CASK: variants seen among roughly 807,000 people sequenced by gnomAD.
CASK encodes the protein calcium/calmodulin dependent serine protein kinase.
Under a neutral mutation model 82.9 loss-of-function variants are expected in CASK, and 4 were observed. That is an observed-to-expected ratio of 0.05 (90% CI 0.02 to 0.11). CASK has a LOEUF of 0.11. Among genes scored for constraint, CASK ranks in the 10% least tolerant of loss-of-function variants. The pLI is 1.00. For missense variants in CASK, 358 were observed against 720.9 expected, an observed-to-expected ratio of 0.50 and a Z score of 5.76; for synonymous variants, 259 against 253.5, an observed-to-expected ratio of 1.02 and a Z score of -0.20.
intron 1 of CASK, among the ~76,000 whole-genome samples, chrX:41,909,503 A>G (rs923568423): frequency 2.7e-5 from 3 of 112,410 alleles, no homozygotes; most frequent in Non-Finnish European, 5.6e-5. Context: ...TAAGGAGTTG[A>G]GAAGTATTAA....
intron 8 of CASK, among the ~76,000 whole-genome samples, chrX:41,639,033 C>T (rs572915566): frequency 2.8e-5 from 3 of 109,085 alleles, no homozygotes; most frequent in Admixed American, 2.0e-4. Context: ...ATATCCAAGC[C>T]AGAGCAATTA....
chrX:41,643,178 T>C (rs1257897063), intron 8 of CASK, among the ~76,000 whole-genome samples: 2 of 111,875 alleles, frequency 1.8e-5, no homozygotes, highest in Non-Finnish European at 3.8e-5. Flanking sequence ...TGTAGCCTTG[T>C]AGTATAGTTT....
At chrX:41,865,555 TG>T (rs1276654188) in intron 1 of CASK, among the ~76,000 whole-genome samples, 2 of 111,841 alleles carry the variant, frequency 1.8e-5, no homozygotes, top group Non-Finnish European at 3.8e-5. Flanking sequence ...TGGCATCAGT[TG>T]ATGTCTTTTT....
chrX:41,805,928 C>T (rs1268750230), intron 2 of CASK, among the ~76,000 whole-genome samples: 1 of 111,555 alleles, frequency 9.0e-6, no homozygotes, highest in African/African-American at 3.3e-5. Flanking sequence ...TATACCCACT[C>T]CCGTGACAAA....
At chrX:41,642,747 C>T (rs765582475) in intron 8 of CASK, among the ~76,000 whole-genome samples, 139 of 111,981 alleles carry the variant, frequency 1.2e-3, no homozygotes, top group African/African-American at 4.2e-3. Context: ...AGCTCTTTAG[C>T]TTAATTAGAT....
chrX:41,549,352 T>C (rs2065064534), intron 21 of CASK, among the ~76,000 whole-genome samples: 1 of 111,951 alleles, frequency 8.9e-6, no homozygotes. Context: ...CAAAGTCCTA[T>C]TCAGGTCTTG....
rs74892710 is a variant in CASK at position 41,704,664 on chromosome X, T to G, written c.430-33134A>C. On this transcript the variant is annotated intron_variant, in intron 5 of 26. Transcript: ENST00000378163. ...ATACGGATTATTATGGTCCCATCAT[T>G]AAGGCCATGGCAAGAATTATGGTAA... is the stretch of plus-strand genomic sequence containing the variant. 9.2e-3 allele frequency among the ~76,000 whole-genome samples: 1,031 copies of G among 112,110 alleles called. 22 individuals carry two copies. In the East Asian group the frequency reaches 0.097, roughly 11 times the overall value.
At chrX:41,692,704 G>C (rs1218004043) in intron 5 of CASK, among the ~76,000 whole-genome samples, 1 of 112,065 alleles carries the variant, frequency 8.9e-6, no homozygotes, top group Non-Finnish European at 1.9e-5. Flanking sequence ...CCTTTTCTAA[G>C]TGTGCTGCTG....
At chrX:41,679,545 A>T (rs2067318227) in intron 5 of CASK, among the ~76,000 whole-genome samples, 1 of 112,025 alleles carries the variant, frequency 8.9e-6, no homozygotes, top group Non-Finnish European at 1.9e-5. Context: ...TAGTTTTTGG[A>T]TATTATGAAT....
intron 3 of CASK, among the ~76,000 whole-genome samples, chrX:41,761,986 C>T (rs1309734302): frequency 8.9e-6 from 1 of 112,194 alleles, no homozygotes; most frequent in Admixed American, 9.5e-5. Context: ...CAAAGATTTA[C>T]TGGGCATTTA....
chrX:41,861,749 A>G (rs1464598079), intron 1 of CASK, among the ~76,000 whole-genome samples: 1 of 103,495 alleles, frequency 9.7e-6, no homozygotes, highest in Non-Finnish European at 1.9e-5. Context: ...TATATATATT[A>G]CATGTATATA....
intron 2 of CASK, among the ~76,000 whole-genome samples, chrX:41,811,236 T>C (rs1236956069): frequency 1.8e-5 from 2 of 111,996 alleles, no homozygotes; most frequent in African/African-American, 3.2e-5. Context: ...GCGGACCTAG[T>C]AGACATCTAC....
At chrX:41,845,662 T>A (rs1158698965) in intron 2 of CASK, among the ~76,000 whole-genome samples, 1 of 111,792 alleles carries the variant, frequency 8.9e-6, no homozygotes, top group Non-Finnish European at 1.9e-5. Flanking sequence ...CTGTTTTTCA[T>A]CCATGTTGCC....
chrX:41,767,105 CTT>C (rs2069131120), intron 3 of CASK, among the ~76,000 whole-genome samples: 1 of 111,382 alleles, frequency 9.0e-6, no homozygotes, highest in African/African-American at 3.3e-5. Context: ...GTAAAGAAAA[CTT>C]TTTATTTTAG....
chrX:41,748,502 C>A (rs1024237553), intron 3 of CASK: 2 of 196,852 alleles, frequency 1.0e-5, no homozygotes, highest in African/African-American at 6.1e-5. Flanking sequence ...CTGTTCCTAT[C>A]CCACCAGTTT....
At position 41,852,474 on chromosome X, in the gene CASK, C is replaced by A. The variant is rs141829470; in HGVS notation, c.172+641G>T. On this transcript the variant is annotated intron_variant, in intron 2 of 26. Transcript: ENST00000378163. The stretch of plus-strand genomic sequence containing the variant: ...CCATCTGAAGTATGAGCATGTATGT[C>A]ACAGTTACATGAAACTATGGCTTAA... Among the ~76,000 whole-genome samples, 85 of 111,400 alleles carry A rather than the reference C, an allele frequency of 7.6e-4. 2 individuals carry two copies. The East Asian group carries it at 0.021, about 28-fold the overall frequency.
chrX:41,596,426 A>C (rs1384869688), intron 12 of CASK, among the ~76,000 whole-genome samples: 2 of 112,311 alleles, frequency 1.8e-5, no homozygotes, highest in East Asian at 5.6e-4. Context: ...TAGTTTGTGA[A>C]TCCCTGCTCT....
In CASK at chrX:41,676,250, T is replaced by C. The variant is rs1293783141; in HGVS notation, c.430-4720A>G. 1.4e-5 allele frequency: 17 copies of C among 1,190,222 alleles called. No individual in the cohort carries two copies. The East Asian group carries it at 4.7e-4, about 33-fold the overall frequency. Reference sequence around the variant, plus strand: ...TAGCTCCGTATCAACTTTCTCTCTGTATTCTCGAGCCATCTGCTGTTTTTT... The same window carrying C: ...TAGCTCCGTATCAACTTTCTCTCTGCATTCTCGAGCCATCTGCTGTTTTTT... On this transcript the variant is annotated intron_variant, in intron 5 of 26. Transcript: ENST00000378163.
At chrX:41,755,440 T>C (rs1167822990) in intron 3 of CASK, among the ~76,000 whole-genome samples, 2 of 111,843 alleles carry the variant, frequency 1.8e-5, no homozygotes, top group Admixed American at 9.5e-5. Context: ...ACTTTTAACA[T>C]TTGGAATTAA....
Sources: gnomAD v4.1 joint callset for allele counts (sites outside exome capture counted in the v4.1 genomes callset) on GRCh38, gnomAD v4.1.1 for gene constraint, MANE v1.5 for transcripts, NCBI Gene and HGNC (gene_info 2026-07-23, HGNC 2026-07-21) for gene names.